PPP1R12C: variants seen among roughly 807,000 people sequenced by gnomAD.
PPP1R12C encodes the protein protein phosphatase 1 regulatory subunit 12C, also known as leukocyte receptor cluster (LRC) encoded novel gene 3.
A neutral mutation model predicts 95.6 loss-of-function variants in PPP1R12C; 48 were observed. That is an observed-to-expected ratio of 0.50 (90% CI 0.40 to 0.64). PPP1R12C has a LOEUF of 0.64. Ranked by LOEUF, PPP1R12C falls within the 30% of genes least tolerant of loss-of-function variation. PPP1R12C has a pLI of 0.00. For synonymous variants in PPP1R12C, 480 were observed against 460.8 expected (o/e 1.04, Z -0.53); for missense variants, 1,057 against 1,083.3 (o/e 0.98, Z 0.34).
In PPP1R12C at chr19:55,096,135, G is replaced by A; in HGVS notation, c.1069C>T (p.Gln357Ter). 1 of 1,600,310 alleles carries A rather than the reference G, an allele frequency of 6.2e-7. No homozygotes were observed. Among genetic ancestry groups the A allele is most frequent in the Non-Finnish European group, 8.5e-7 (1 of 1,173,802 alleles). Reference protein sequence around the residue: ...RLSSREKISLQDLSKERRPGG... With the variant: ...RLSSREKISL The stretch of plus-strand genomic sequence containing the variant: ...GGCCGGCGCTCCTTGGACAAGTCCT[G>A]GAGGGAAATCTTCTCGCGACTGCTC... The change falls in exon 8 of 22, where the codon CAG (glutamine) becomes TAG (stop). Residue 357 changes from glutamine (Q) to a stop codon, truncating the protein, a stop_gained. Coordinates refer to ENST00000263433, the MANE Select transcript of PPP1R12C (RefSeq NM_017607.4). LOFTEE classifies it high-confidence loss of function.
chr19:55,100,772 C>G (rs1221913308), intron 4 of PPP1R12C, among the ~76,000 whole-genome samples: 3 of 152,064 alleles, frequency 2.0e-5, no homozygotes, highest in Non-Finnish European at 4.4e-5. Context: ...GCCACCATGC[C>G]CAGCTAATTT....
chr19:55,104,087 C>T lies in PPP1R12C; in HGVS notation c.572-519G>A, dbSNP rs186095047. Reference sequence around the variant, plus strand: ...CTGAGGCAGGAGAATCGCTTGAACCCGGGAGTTGGAGGTTGCAGTGAGCTG... The same window carrying T: ...CTGAGGCAGGAGAATCGCTTGAACCTGGGAGTTGGAGGTTGCAGTGAGCTG... On this transcript the variant is annotated intron_variant, in intron 3 of 21. Transcript: ENST00000263433. Among the ~76,000 whole-genome samples, 141 of 144,666 alleles carry T rather than the reference C, an allele frequency of 9.7e-4. 2 individuals are homozygous for T. The East Asian group carries it at 0.026, about 27-fold the overall frequency. 94.9% of individuals were successfully genotyped at this position (144,666 alleles called of 152,430 possible).
chr19:55,102,798 A>G (rs2147196300), intron 4 of PPP1R12C, among the ~76,000 whole-genome samples: 1 of 152,356 alleles, frequency 6.6e-6, no homozygotes, highest in South Asian at 2.1e-4. Context: ...TGGGGTATAT[A>G]AGGTAAAACG....
chr19:55,095,439 A>C lies in PPP1R12C; in HGVS notation c.1386+6T>G. The stretch of plus-strand genomic sequence containing the variant: ...TGGGCCTGGACCCGGCCCAACCCTC[A>C]CTCACCTGAGTGGAGGTCCCTTCCA... On this transcript the variant is annotated splice_donor_region_variant and intron_variant, in intron 10 of 21. Coordinates refer to ENST00000263433, the MANE Select transcript of PPP1R12C (RefSeq NM_017607.4). The C allele has an allele frequency of 6.4e-7, 1 of 1,560,688 alleles. No individual in the cohort carries two copies. The highest frequency in any genetic ancestry group is 8.7e-7 in the Non-Finnish European group (1 of 1,152,788).
At position 55,112,516 on chromosome 19, in the gene PPP1R12C, G is replaced by T; in HGVS notation, c.522C>A (p.Ala174=). The change falls in exon 3 of 22, where the codon GCC becomes GCA. Residue 174 remains alanine (A), a synonymous_variant. Transcript: ENST00000263433. The stretch of plus-strand genomic sequence containing the variant: ...GCAGCCCCTCCATGGCGTCCGACTC[G>T]GCCAGGTCCAGGGGCAGGTCCCCGT... The part of the protein sequence containing the change: ...NSDGDLPLDL[A]ESDAMEGLLK... 1 of 1,613,324 alleles carries T rather than the reference G, an allele frequency of 6.2e-7. No homozygotes were observed. The highest frequency in any genetic ancestry group is 8.5e-7 in the Non-Finnish European group (1 of 1,179,810).
Position 55,092,874 on chromosome 19 carries a change from G to T in PPP1R12C, c.1826-6C>A. The T allele has an allele frequency of 6.3e-7, 1 of 1,596,906 alleles. No individual in the cohort carries two copies. The highest frequency in any genetic ancestry group is 8.5e-7 in the Non-Finnish European group (1 of 1,172,660). On this transcript the variant is annotated splice_region_variant and splice_polypyrimidine_tract_variant and intron_variant, in intron 15 of 21. Transcript: ENST00000263433. The stretch of plus-strand genomic sequence containing the variant: ...CTGCCCGTCGGGCGCCTCTGCTGGG[G>T]GAGGGGCAGGAATCAGCCCAGGCAC...
chr19:55,092,922 C>G, intron 15 of PPP1R12C, 54 bp from the exon 16 acceptor site: 1 of 1,593,152 alleles, frequency 6.3e-7, no homozygotes, highest in Non-Finnish European at 8.5e-7. Flanking sequence ...CTCTCGGTGC[C>G]TGGGTCCCCG....
At position 55,103,439 on chromosome 19, in the gene PPP1R12C, G is replaced by T; in HGVS notation, c.701C>A (p.Ala234Asp). 1 of 1,555,410 alleles carries T rather than the reference G, an allele frequency of 6.4e-7. No individual in the cohort carries two copies. Among genetic ancestry groups the T allele is most frequent in the Admixed American group, 1.8e-5 (1 of 55,124 alleles). The stretch of plus-strand genomic sequence containing the variant: ...CACCTCAATGTAGCCCTTGGCAGCA[G>T]CCACGTGCAGGGCAGAGGCGCCTGT... ...PRTGASALHV[A>D]AAKGYIEVMR... Residue 234 changes from alanine (A) to aspartate (D), a missense_variant, in exon 4 of 22, where the codon GCT becomes GAT. Coordinates refer to ENST00000263433, the MANE Select transcript of PPP1R12C (RefSeq NM_017607.4).
chr19:55,095,082 C>T (rs1432520167), intron 11 of PPP1R12C: 4 of 700,352 alleles, frequency 5.7e-6, no homozygotes, highest in Admixed American at 4.9e-5. Context: ...GTGTGCACCT[C>T]GGGGTGGGGG....
At chr19:55,105,018 C>T (rs150402997) in intron 3 of PPP1R12C, among the ~76,000 whole-genome samples, 1 of 151,582 alleles carries the variant, frequency 6.6e-6, no homozygotes, top group African/African-American at 2.4e-5. Flanking sequence ...GATCCACCCG[C>T]CTCGGCCTCC....
chr19:55,092,314 G>T lies in PPP1R12C; in HGVS notation c.2068C>A (p.Leu690Met). The stretch of plus-strand genomic sequence containing the variant: ...CGAAGCCGCTCGTTCTCCCTGCGCA[G>T]CTCTGCATACAGCTGGGGGTCAGGT... ...DGGFRTLYAE[L>M]RRENERLREA... The change falls in exon 19 of 22, where the codon CTG becomes ATG. Residue 690 changes from leucine (L) to methionine (M), a missense_variant. Physicochemically the swap from Leu to Met is conservative, Grantham distance 15. Transcript: ENST00000263433. 6.3e-7 allele frequency: 1 copy of T among 1,598,896 alleles called. No homozygotes were observed. Among genetic ancestry groups the T allele is most frequent in the East Asian group, 2.3e-5 (1 of 44,324 alleles).
chr19:55,091,802 C>T, intron 20 of PPP1R12C, 57 bp downstream of exon 20: 6 of 1,612,472 alleles, frequency 3.7e-6, no homozygotes, highest in Non-Finnish European at 5.1e-6. Flanking sequence ...TTGGTCCAAA[C>T]TTAGGGATGT....
At chr19:55,092,933 G>A (rs1030151112) in intron 15 of PPP1R12C, 65 bp from the exon 16 acceptor site, 137 of 1,584,102 alleles carry the variant, frequency 8.6e-5, no homozygotes, top group Non-Finnish European at 1.1e-4. Context: ...TGGGTCCCCG[G>A]GTCAAGCCCC....
chr19:55,096,775 G>A (rs56222528), intron 6 of PPP1R12C: 19,426 of 122,440 alleles, frequency 0.16, 845 homozygotes, highest in South Asian at 0.22. Flanking sequence ...CACCGTCTTC[G>A]CCCCTTCCCC....
chr19:55,093,319 CCTCCTCCCT>C, intron 13 of PPP1R12C, 86 bp from the exon 14 acceptor site: 9 of 445,998 alleles, frequency 2.0e-5, no homozygotes, highest in East Asian at 1.5e-4. Context: ...GGCCCCAGCC[CCTCCTCCCT>C]CAGACCCAGG....
chr19:55,092,224 G>A lies in PPP1R12C; in HGVS notation c.2158C>T (p.Gln720Ter). The change falls in exon 19 of 22, where the codon CAG becomes TAG. Residue 720 changes from glutamine (Q) to a stop codon, truncating the protein, a stop_gained and splice_region_variant. Transcript: ENST00000263433. LOFTEE classifies it high-confidence loss of function. Reference protein sequence around the residue: ...QLKVELERATQRQERFAERPA... With the variant: ...QLKVELERAT ...GACCCTGGCCTCGGCGCCCTTACCT[G>A]CGTGGCCCGCTCCAGCTCCACCTTG... 1 of 1,572,154 alleles carries A rather than the reference G, an allele frequency of 6.4e-7. No homozygotes were observed. The highest frequency in any genetic ancestry group is 8.6e-7 in the Non-Finnish European group (1 of 1,161,646).
intron 3 of PPP1R12C, among the ~76,000 whole-genome samples, chr19:55,108,582 A>G (rs2085063194): frequency 6.6e-6 from 1 of 152,186 alleles, no homozygotes; most frequent in Non-Finnish European, 1.5e-5. Flanking sequence ...TATTTTGACT[A>G]TTCTGGGTAC....
intron 3 of PPP1R12C, among the ~76,000 whole-genome samples, chr19:55,108,867 T>C (rs8109326): frequency 0.079 from 12,055 of 152,124 alleles, 1,565 homozygotes; most frequent in African/African-American, 0.27. Flanking sequence ...CCACCACCCC[T>C]GGCTAATTTT....
intron 11 of PPP1R12C, 132 bp from the exon 12 acceptor site, chr19:55,094,930 A>T: frequency 9.1e-7 from 1 of 1,104,894 alleles, no homozygotes; most frequent in South Asian, 1.4e-5. Context: ...AATACACAAA[A>T]CCCACAAAAG....
Sources: allele counts gnomAD v4.1 joint callset (sites outside exome capture counted in the v4.1 genomes callset), GRCh38; gene constraint gnomAD v4.1.1; transcripts MANE v1.5; gene names NCBI Gene and HGNC (gene_info 2026-07-23, HGNC 2026-07-21).